DGLUCY: variants seen among roughly 807,000 people sequenced by gnomAD.
DGLUCY encodes the protein D-glutamate cyclase, mitochondrial.
Under a neutral mutation model 58.5 loss-of-function variants are expected in DGLUCY, and 58 were observed. That is an observed-to-expected ratio of 0.99 (90% CI 0.80 to 1.23). The LOEUF (loss-of-function observed/expected upper bound fraction) is 1.23, where lower values mean the gene tolerates loss of function less well. Among genes scored for constraint, DGLUCY ranks in the 50% most tolerant of loss-of-function variants. DGLUCY has a pLI of 0.00. For synonymous variants in DGLUCY, 325 were observed against 314.1 expected, an observed-to-expected ratio of 1.03 and a Z score of -0.37; for missense variants, 779 against 784.7, an observed-to-expected ratio of 0.99 and a Z score of 0.09.
chr14:91,134,889 T>A (rs1173239191), intron 1 of DGLUCY, among the ~76,000 whole-genome samples: 3 of 152,152 alleles, frequency 2.0e-5, no homozygotes, highest in African/African-American at 7.2e-5. Context: ...TCATAATATC[T>A]GCACGTTTTT....
In DGLUCY at chr14:91,189,028, G is replaced by A. The variant is rs142154756; in HGVS notation, c.1053G>A (p.Glu351=). 1.2e-6 allele frequency: 2 copies of A among 1,614,064 alleles called. No individual in the cohort carries two copies. Among genetic ancestry groups the A allele is most frequent in the African/African-American group, 1.3e-5 (1 of 74,936 alleles). The change falls in exon 9 of 14, where the codon GAG becomes GAA. Residue 351 remains glutamate (E), a synonymous_variant. Transcript: ENST00000256324. ...TTGFPTHFNH[E]PPEETDGPPG... is the part of the protein sequence containing the mutation. ...GGTTCCCCACACATTTCAATCATGA[G>A]CCTCCAGAAGAGACAGATGGCCCAC...
At chr14:91,151,979 C>G (rs1026767105) in intron 1 of DGLUCY, among the ~76,000 whole-genome samples, 1 of 152,134 alleles carries the variant, frequency 6.6e-6, no homozygotes, top group East Asian at 1.9e-4. Flanking sequence ...CATAAGAGAC[C>G]CTACCCGCCA....
chr14:91,129,481 A>C (rs2045910596), intron 1 of DGLUCY, among the ~76,000 whole-genome samples: 1 of 152,028 alleles, frequency 6.6e-6, no homozygotes, highest in Non-Finnish European at 1.5e-5. Context: ...CATACCTGTA[A>C]TCCCAGCACT....
intron 1 of DGLUCY, among the ~76,000 whole-genome samples, chr14:91,132,056 G>A (rs578037930): frequency 6.6e-6 from 1 of 152,316 alleles, no homozygotes; most frequent in East Asian, 1.9e-4. Flanking sequence ...GCCTCCCAAA[G>A]TGTTGGGATT....
intron 12 of DGLUCY, among the ~76,000 whole-genome samples, chr14:91,211,868 T>C (rs1429703890): frequency 6.6e-6 from 1 of 152,158 alleles, no homozygotes; most frequent in Non-Finnish European, 1.5e-5. Flanking sequence ...TGGCATGAAC[T>C]CAGCTCACTG....
At chr14:91,181,159 C>T in intron 7 of DGLUCY, 27 bp from the exon 8 acceptor site, 1 of 1,609,714 alleles carries the variant, frequency 6.2e-7, no homozygotes. Context: ...AGTGGCTGGG[C>T]TCAGACCCTC....
At chr14:91,074,939 G>A (rs957826974) in intron 1 of DGLUCY, among the ~76,000 whole-genome samples, 2 of 152,092 alleles carry the variant, frequency 1.3e-5, no homozygotes, top group African/African-American at 4.8e-5. Context: ...GGGTGTGGTG[G>A]CGCATGCCTG....
rs5810528 is a variant in DGLUCY at position 91,069,799 on chromosome 14, C to CTTTTTT, written c.-82+9107_-82+9112dup. On this transcript the variant is annotated intron_variant, in intron 1 of 4. Coordinates refer to the DGLUCY transcript ENST00000521334. Reference sequence around the variant, plus strand: ...TTTCACTTATGATAATGATATGCCTCTTTTTTTTTTTTTTTTTGTCACCCA... The same window carrying CTTTTTT: ...TTTCACTTATGATAATGATATGCCTCTTTTTTTTTTTTTTTTTTTTTTTGTCACCCA... 2.8e-4 allele frequency among the ~76,000 whole-genome samples: 34 copies of CTTTTTT among 121,028 alleles called. 2 individuals are homozygous for CTTTTTT. The highest frequency in any genetic ancestry group is 9.5e-4 in the African/African-American group (30 of 31,632). The allele number at this position is 121,028 out of a possible 152,430, so 79.4% of individuals were successfully genotyped here.
intron 2 of DGLUCY, 71 bp from the exon 3 acceptor site, chr14:91,160,195 A>G: frequency 1.1e-6 from 1 of 921,972 alleles, no homozygotes; most frequent in Non-Finnish European, 1.8e-6. Context: ...ATGTGAAGCT[A>G]TGTGAGGCTG....
intron 1 of DGLUCY, among the ~76,000 whole-genome samples, chr14:91,101,105 C>T (rs1025222010): frequency 6.6e-6 from 1 of 151,970 alleles, no homozygotes; most frequent in Admixed American, 6.6e-5. Flanking sequence ...GTGGTAAGAA[C>T]ATTTAACATG....
At chr14:91,112,996 TAAAAAAAAAA>T (rs10715930), upstream of DGLUCY, among the ~76,000 whole-genome samples, 1 of 70,190 alleles carries the variant, frequency 1.4e-5, no homozygotes, top group Non-Finnish European at 2.7e-5. Flanking sequence ...AGACTACATC[TAAAAAAAAAA>T]AAAAAAAAAA....
At chr14:91,190,391 G>A (rs1162163967) in intron 9 of DGLUCY, among the ~76,000 whole-genome samples, 1 of 152,188 alleles carries the variant, frequency 6.6e-6, no homozygotes, top group Admixed American at 6.5e-5. Context: ...CAACTTGTAA[G>A]ATGAATGCAC....
At chr14:91,106,182 C>T (rs1020427406), upstream of DGLUCY, among the ~76,000 whole-genome samples, 1 of 151,828 alleles carries the variant, frequency 6.6e-6, no homozygotes, top group Non-Finnish European at 1.5e-5. Flanking sequence ...GTGACGTGCG[C>T]CTGTAATCCC....
intron 9 of DGLUCY, chr14:91,189,944 G>A (rs974256781): frequency 6.7e-6 from 1 of 148,974 alleles, no homozygotes; most frequent in African/African-American, 2.5e-5. Flanking sequence ...AATGTGTGTT[G>A]AGCTCGAGTA....
intron 1 of DGLUCY, among the ~76,000 whole-genome samples, chr14:91,101,630 C>T (rs915916557): frequency 2.6e-5 from 4 of 152,156 alleles, no homozygotes; most frequent in East Asian, 1.9e-4. Flanking sequence ...GGCTTATGGA[C>T]GCATTCTTGA....
intron 7 of DGLUCY, among the ~76,000 whole-genome samples, chr14:91,180,600 A>G (rs2049120284): frequency 6.6e-6 from 1 of 152,066 alleles, no homozygotes; most frequent in African/African-American, 2.4e-5. Context: ...AATAAAGTCA[A>G]TAAAGTCACA....
At chr14:91,130,024 A>G (rs1019392776) in intron 1 of DGLUCY, among the ~76,000 whole-genome samples, 7 of 152,182 alleles carry the variant, frequency 4.6e-5, no homozygotes, top group Admixed American at 1.3e-4. Context: ...ATAGTGTTAC[A>G]TTGTATGATT....
At chr14:91,201,138 G>A (rs1432747631) in intron 11 of DGLUCY, among the ~76,000 whole-genome samples, 1 of 152,064 alleles carries the variant, frequency 6.6e-6, no homozygotes, top group African/African-American at 2.4e-5. Flanking sequence ...GATCAGTTAG[G>A]GTAGGGCAGG....
At chr14:91,138,560 C>T (rs1385794780) in intron 1 of DGLUCY, among the ~76,000 whole-genome samples, 2 of 152,194 alleles carry the variant, frequency 1.3e-5, no homozygotes. Flanking sequence ...GTCTAATCCC[C>T]AGTTCCACAT....
Sources: gnomAD v4.1 joint callset for allele counts (sites outside exome capture counted in the v4.1 genomes callset) on GRCh38, gnomAD v4.1.1 for gene constraint, MANE v1.5 for transcripts, NCBI Gene and HGNC (gene_info 2026-07-23, HGNC 2026-07-21) for gene names.